EIF2AK1: variants seen among roughly 807,000 people sequenced by gnomAD.
The protein encoded by EIF2AK1 is eukaryotic translation initiation factor 2 alpha kinase 1.
In EIF2AK1, 54 loss-of-function variants were observed where a neutral mutation model predicts 77.9. That is an observed-to-expected ratio of 0.69 (90% CI 0.56 to 0.87). The LOEUF (loss-of-function observed/expected upper bound fraction) is 0.87. Ranked by LOEUF, EIF2AK1 falls within the 40% of genes least tolerant of loss-of-function variation. EIF2AK1 has a pLI of 0.00. For missense variants in EIF2AK1, 810 were observed against 768.6 expected, an observed-to-expected ratio of 1.05 and a Z score of -0.64; for synonymous variants, 314 against 290.5, an observed-to-expected ratio of 1.08 and a Z score of -0.82.
intron 2 of EIF2AK1, among the ~76,000 whole-genome samples, chr7:6,053,957 C>G (rs1788680269): frequency 6.6e-6 from 1 of 151,880 alleles, no homozygotes; most frequent in Non-Finnish European, 1.5e-5. Flanking sequence ...CAGGCATGAG[C>G]CACTGCACCT....
intron 1 of EIF2AK1, chr7:6,057,421 T>C (rs577951863): frequency 1.3e-5 from 2 of 152,140 alleles, no homozygotes; most frequent in East Asian, 3.9e-4. Flanking sequence ...CACATTTTTT[T>C]GTTTCATGCT....
At chr7:6,051,205 C>T (rs1464633317) in intron 2 of EIF2AK1, among the ~76,000 whole-genome samples, 1 of 152,004 alleles carries the variant, frequency 6.6e-6, no homozygotes, top group Non-Finnish European at 1.5e-5. Flanking sequence ...AGTAAGTTTC[C>T]ACAAAGGTGC....
intron 8 of EIF2AK1, among the ~76,000 whole-genome samples, chr7:6,042,147 T>C (rs947744563): frequency 6.6e-6 from 1 of 151,816 alleles, no homozygotes; most frequent in Non-Finnish European, 1.5e-5. Context: ...AGATCCTGTC[T>C]CAACAAAAAT....
Position 6,032,510 on chromosome 7 carries a change from A to G in EIF2AK1, c.1333-3478T>C, listed in dbSNP as rs535113234. ...CACCCTGTGGGTTAATTTAAGGAAT[A>G]AGTGACTTCATAGCAAGTACCCTTA... On this transcript the variant is annotated intron_variant, in intron 11 of 14. Transcript: ENST00000199389. The surrounding 1 kb of genome is among the most constrained non-coding windows in gnomAD (Gnocchi z 4.3). Among the ~76,000 whole-genome samples, 1 of 152,356 alleles carries G rather than the reference A, an allele frequency of 6.6e-6. No individual in the cohort carries two copies. Among genetic ancestry groups the G allele is most frequent in the South Asian group, 2.1e-4 (1 of 4,828 alleles).
rs558664297 is a variant in EIF2AK1 at position 6,050,771 on chromosome 7, T to A, written c.278-726A>T. On this transcript the variant is annotated intron_variant, in intron 2 of 14. Coordinates refer to ENST00000199389, the MANE Select transcript of EIF2AK1 (RefSeq NM_014413.4). ...GCGCCTGCCACCAGGCCCAGCTAAT[T>A]TTTTTGTATATTTAGTAGAGAAGGG... 3.2e-4 allele frequency among the ~76,000 whole-genome samples: 48 copies of A among 151,928 alleles called. 2 individuals carry two copies. In the South Asian group the frequency reaches 9.8e-3, roughly 31 times the overall value.
chr7:6,028,175 T>G (rs536377053), intron 13 of EIF2AK1: 3 of 319,910 alleles, frequency 9.4e-6, no homozygotes, highest in African/African-American at 6.5e-5. Flanking sequence ...GACAGTTTGA[T>G]CCAGTTAATT....
At chr7:6,053,537 G>T (rs902502135) in intron 2 of EIF2AK1, among the ~76,000 whole-genome samples, 2 of 151,836 alleles carry the variant, frequency 1.3e-5, no homozygotes, top group African/African-American at 4.8e-5. Context: ...GCTAATTTTT[G>T]TATTTTTAGT....
At chr7:6,026,641 CG>C (rs1434960399) in intron 14 of EIF2AK1, 86 bp downstream of exon 14, 2 of 1,072,454 alleles carry the variant, frequency 1.9e-6, no homozygotes, top group Non-Finnish European at 2.9e-6. Context: ...CCCCAGCCTC[CG>C]GGGGCACCAC....
chr7:6,056,302 A>AAAG (rs1173590600), intron 1 of EIF2AK1, among the ~76,000 whole-genome samples: 1 of 147,570 alleles, frequency 6.8e-6, no homozygotes, highest in East Asian at 2.0e-4. Flanking sequence ...CAAAAAAAAA[A>AAAG]AAAAAAAAAA....
At position 6,035,434 on chromosome 7, in the gene EIF2AK1, C is replaced by T. The variant is rs1182380816; in HGVS notation, c.1332+1990G>A. On this transcript the variant is annotated intron_variant, in intron 11 of 14. Coordinates refer to ENST00000199389, the MANE Select transcript of EIF2AK1 (RefSeq NM_014413.4). The surrounding 1 kb of genome is among the most constrained non-coding windows in gnomAD (Gnocchi z 5.5). ...AATTCAGTGTAACGTGTAATCAATA[C>T]CCATTCTAGGGACACGACAGGCCTC... The T allele has an allele frequency of 1.9e-6, 3 of 1,545,406 alleles. No individual in the cohort carries two copies. The East Asian group carries it at 7.4e-5, about 38-fold the overall frequency.
chr7:6,056,613 A>AAAAAAAAAAAAAT, intron 1 of EIF2AK1, among the ~76,000 whole-genome samples: 2 of 43,738 alleles, frequency 4.6e-5, no homozygotes, highest in Non-Finnish European at 9.4e-5. Flanking sequence ...AAAAAAAAAA[A>AAAAAAAAAAAAAT]ATATATATAT....
chr7:6,054,618 G>C lies in EIF2AK1; in HGVS notation c.205C>G (p.Leu69Val), dbSNP rs1311791846. 1 of 1,614,172 alleles carries C rather than the reference G, an allele frequency of 6.2e-7. No individual in the cohort carries two copies. Among genetic ancestry groups the C allele is most frequent in the Non-Finnish European group, 8.5e-7 (1 of 1,180,018 alleles). Residue 69 changes from leucine to valine, a missense_variant, in exon 2 of 15, where the codon CTG becomes GTG. This residue lies in a region of EIF2AK1 where 246 missense variants were observed against 199.0 expected (regional missense o/e 1.24). Coordinates refer to ENST00000199389, the MANE Select transcript of EIF2AK1 (RefSeq NM_014413.4). ...CTCAAGTGCTCCAGCAAAGAAACCA[G>C]CAAGAGTTGGTTTGCAACTGCAAAA... ...FPFAVANQLL[L>V]VSLLEHLSHV...
At position 6,027,296 on chromosome 7, in the gene EIF2AK1, G is replaced by A. The variant is rs1178376356; in HGVS notation, c.1531-335C>T. 6.6e-6 allele frequency among the ~76,000 whole-genome samples: 1 copy of A among 152,210 alleles called. No individual in the cohort carries two copies. Among genetic ancestry groups the A allele is most frequent in the Non-Finnish European group, 1.5e-5 (1 of 68,042 alleles). On this transcript the variant is annotated intron_variant, in intron 13 of 14. Coordinates refer to ENST00000199389, the MANE Select transcript of EIF2AK1 (RefSeq NM_014413.4). The surrounding 1 kb of genome is among the most constrained non-coding windows in gnomAD (Gnocchi z 4.5). ...TGTGAGCTCACGCCTGCTAGTGTCA[G>A]CTGCGGGGGAGCCACAGAAGGTCGC... is the stretch of plus-strand genomic sequence containing the variant.
In EIF2AK1 at chr7:6,023,942, C is replaced by A. The variant is rs1324097335; in HGVS notation, c.*731G>T. 5 of 1,429,396 alleles carry A rather than the reference C, an allele frequency of 3.5e-6. No individual in the cohort carries two copies. In the Admixed American group the frequency reaches 6.3e-5, roughly 18 times the overall value. 88.5% of individuals were successfully genotyped at this position (1,429,396 alleles called of 1,614,324 possible). On this transcript the variant is annotated 3_prime_UTR_variant, in exon 15 of 15. Coordinates refer to ENST00000199389, the MANE Select transcript of EIF2AK1 (RefSeq NM_014413.4). ...GGATTCAAAAACCAATTCATCAGAT[C>A]GCTGCCTCTGAGGGATGTACAGATT...
In EIF2AK1 at chr7:6,036,847, C is replaced by T. The variant is rs1281293681; in HGVS notation, c.1332+577G>A. Among the ~76,000 whole-genome samples the T allele has an allele frequency of 1.3e-5, 2 of 151,968 alleles. No individual in the cohort carries two copies. The highest frequency in any genetic ancestry group is 2.4e-5 in the African/African-American group (1 of 41,354). ...GTCAGCACTAAATACATTTAGCACC[C>T]CTGATTATAGCAGTACTCAGAGCAC... On this transcript the variant is annotated intron_variant, in intron 11 of 14. Transcript: ENST00000199389. The surrounding 1 kb of genome is among the most constrained non-coding windows in gnomAD (Gnocchi z 4.6).
At chr7:6,052,740 G>T (rs1383465594) in intron 2 of EIF2AK1, among the ~76,000 whole-genome samples, 3 of 151,500 alleles carry the variant, frequency 2.0e-5, no homozygotes, top group African/African-American at 7.3e-5. Flanking sequence ...GGCCGAGGCG[G>T]GTGGATCACC....
At position 6,029,100 on chromosome 7, in the gene EIF2AK1, T is replaced by C. The variant is rs1032795182; in HGVS notation, c.1333-68A>G. ...ACAAATAGTAATATCTTGTAAATGT[T>C]TTTAAGTGTTTGGAACTCAGGAGCA... On this transcript the variant is annotated intron_variant, in intron 11 of 14. Transcript: ENST00000199389. 6.0e-6 allele frequency: 8 copies of C among 1,323,860 alleles called. No individual in the cohort carries two copies. In the African/African-American group the frequency reaches 1.0e-4, roughly 17 times the overall value. The allele number at this position is 1,323,860 out of a possible 1,614,324, so 82.0% of individuals were successfully genotyped here.
At position 6,047,606 on chromosome 7, in the gene EIF2AK1, G is replaced by A. The variant is rs536408582; in HGVS notation, c.450-515C>T. 4 of 171,068 alleles carry A rather than the reference G, an allele frequency of 2.3e-5. No homozygotes were observed. The South Asian group carries it at 5.0e-4, about 21-fold the overall frequency. The allele number at this position is 171,068 out of a possible 1,614,324, so 10.6% of individuals were successfully genotyped here. On this transcript the variant is annotated intron_variant, in intron 4 of 14. Coordinates refer to ENST00000199389, the MANE Select transcript of EIF2AK1 (RefSeq NM_014413.4). ...GAGAATTGCTTGAACCCAGGAGGCA[G>A]AGATTGCAGTGAGCCGAGATTATGC...
intron 2 of EIF2AK1, among the ~76,000 whole-genome samples, chr7:6,050,652 G>A (rs868750863): frequency 2.1e-4 from 30 of 143,270 alleles, no homozygotes; most frequent in Non-Finnish European, 3.6e-4. Context: ...ACGCAGGCTA[G>A]AGTGCACTGG....
Sources: gnomAD v4.1 joint callset for allele counts (sites outside exome capture counted in the v4.1 genomes callset) on GRCh38, gnomAD v4.1.1 for gene constraint, gnomAD v4.1.1 regional missense constraint, Gnocchi (gnomAD v3.1) non-coding constraint, MANE v1.5 for transcripts, NCBI Gene and HGNC (gene_info 2026-07-23, HGNC 2026-07-21) for gene names.